Variants in PCDH9 observed in about 807,000 individuals in gnomAD.
The protein encoded by PCDH9 is protocadherin 9.
Under a neutral mutation model 70.6 loss-of-function variants are expected in PCDH9, and 24 were observed. That is an observed-to-expected ratio of 0.34 (90% CI 0.25 to 0.48). The LOEUF (loss-of-function observed/expected upper bound fraction) is 0.48. Among genes scored for constraint, PCDH9 ranks in the 20% least tolerant of loss-of-function variants. PCDH9 has a pLI of 0.99. For missense variants in PCDH9, 1,281 were observed against 1,503.6 expected (o/e 0.85, Z 2.45); for synonymous variants, 562 against 558.5 (o/e 1.01, Z -0.09).
At chr13:67,110,046 G>A (rs949666800) in intron 2 of PCDH9, among the ~76,000 whole-genome samples, 15 of 152,016 alleles carry the variant, frequency 9.9e-5, no homozygotes, top group South Asian at 2.1e-4. Context: ...TAATTTGGTC[G>A]CGGAGGCTTT....
At chr13:66,947,587 G>A (rs1201837686) in intron 2 of PCDH9, among the ~76,000 whole-genome samples, 2 of 152,078 alleles carry the variant, frequency 1.3e-5, no homozygotes, top group South Asian at 4.1e-4. Context: ...TGGGGGTGTG[G>A]GTAGAAAAGT....
At chr13:66,890,725 A>T (rs2139565579) in intron 3 of PCDH9, among the ~76,000 whole-genome samples, 1 of 152,002 alleles carries the variant, frequency 6.6e-6, no homozygotes, top group East Asian at 1.9e-4. Flanking sequence ...CTATCACCTA[A>T]TAGCCTCCAA....
intron 4 of PCDH9, among the ~76,000 whole-genome samples, chr13:66,520,191 G>A (rs1210034886): frequency 1.3e-5 from 2 of 151,998 alleles, no homozygotes; most frequent in African/African-American, 2.4e-5. Context: ...TGTTTTGAAC[G>A]TCTTAAACTG....
intron 3 of PCDH9, among the ~76,000 whole-genome samples, chr13:66,778,294 T>TAAA (rs2079933897): frequency 6.6e-6 from 1 of 151,854 alleles, no homozygotes; most frequent in Non-Finnish European, 1.5e-5. Flanking sequence ...ATAATAATAA[T>TAAA]AAAAATACTC....
At chr13:66,963,827 C>T (rs375162822) in intron 2 of PCDH9, among the ~76,000 whole-genome samples, 23 of 152,092 alleles carry the variant, frequency 1.5e-4, no homozygotes, top group African/African-American at 4.8e-4. Flanking sequence ...AGCAGAGAAA[C>T]TTGTTTGTTT....
intron 4 of PCDH9, among the ~76,000 whole-genome samples, chr13:66,555,230 AT>A: frequency 6.6e-6 from 1 of 152,234 alleles, no homozygotes; most frequent in Middle Eastern, 3.4e-3. Context: ...TAAGCTATAT[AT>A]TTGCATTGGA....
intron 2 of PCDH9, among the ~76,000 whole-genome samples, chr13:66,955,026 G>A (rs937449036): frequency 9.2e-5 from 14 of 152,158 alleles, no homozygotes; most frequent in Non-Finnish European, 8.8e-5. Flanking sequence ...GCCTCCCAAA[G>A]TGCTGGGATT....
At chr13:66,962,631 A>G (rs1176747107) in intron 2 of PCDH9, among the ~76,000 whole-genome samples, 1 of 152,206 alleles carries the variant, frequency 6.6e-6, no homozygotes, top group Non-Finnish European at 1.5e-5. Flanking sequence ...ATCTAAACAT[A>G]TCTAAATATA....
chr13:66,364,775 A>T (rs1956526496), intron 4 of PCDH9, among the ~76,000 whole-genome samples: 1 of 152,190 alleles, frequency 6.6e-6, no homozygotes, highest in African/African-American at 2.4e-5. Flanking sequence ...TACATCCTTC[A>T]TAGGTGTGAG....
intron 4 of PCDH9, among the ~76,000 whole-genome samples, chr13:66,320,867 C>T (rs1955741412): frequency 6.6e-6 from 1 of 151,994 alleles, no homozygotes; most frequent in African/African-American, 2.4e-5. Context: ...TGTTATTTGA[C>T]TAAACAGATG....
intron 2 of PCDH9, among the ~76,000 whole-genome samples, chr13:67,024,167 T>A (rs1296971350): frequency 6.6e-6 from 1 of 152,218 alleles, no homozygotes; most frequent in Non-Finnish European, 1.5e-5. Context: ...AATTACTGGA[T>A]AATTTAAAGA....
chr13:66,360,153 TAA>T (rs1469928605), intron 4 of PCDH9, among the ~76,000 whole-genome samples: 1 of 152,094 alleles, frequency 6.6e-6, no homozygotes, highest in African/African-American at 2.4e-5. Flanking sequence ...GCACAAAAAC[TAA>T]GAGTCCTTTT....
chr13:66,758,055 G>A (rs1234572340), intron 3 of PCDH9, among the ~76,000 whole-genome samples: 5 of 151,740 alleles, frequency 3.3e-5, no homozygotes, highest in Non-Finnish European at 5.9e-5. Context: ...TAAGTAATAC[G>A]CAAAATGTTG....
intron 2 of PCDH9, among the ~76,000 whole-genome samples, chr13:67,084,966 C>CAAA (rs1158690945): frequency 4.8e-5 from 2 of 41,466 alleles, no homozygotes; most frequent in African/African-American, 2.0e-4. Context: ...GATGCTGTCT[C>CAAA]AAAAAAAAAA....
intron 2 of PCDH9, among the ~76,000 whole-genome samples, chr13:67,089,417 A>G (rs1566417393): frequency 6.6e-6 from 1 of 151,956 alleles, no homozygotes; most frequent in Non-Finnish European, 1.5e-5. Context: ...ACTCCAGCGA[A>G]TGGATCCAAA....
chr13:66,922,622 C>T (rs2139646068), intron 2 of PCDH9, among the ~76,000 whole-genome samples: 1 of 151,588 alleles, frequency 6.6e-6, no homozygotes, highest in South Asian at 2.1e-4. Flanking sequence ...ATAAACATTG[C>T]TACTGCTTCA....
intron 3 of PCDH9, among the ~76,000 whole-genome samples, chr13:66,738,286 C>A (rs1007310268): frequency 1.3e-5 from 2 of 151,408 alleles, no homozygotes; most frequent in African/African-American, 4.8e-5. Flanking sequence ...AGGGTGCTGT[C>A]TGTTAGAAGG....
chr13:66,423,672 A>G (rs900041396), intron 4 of PCDH9, among the ~76,000 whole-genome samples: 1 of 152,084 alleles, frequency 6.6e-6, no homozygotes, highest in Non-Finnish European at 1.5e-5. Context: ...TTGAGGGAAC[A>G]TATCTCAAAA....
At chr13:67,008,148 A>G (rs1347150956) in intron 2 of PCDH9, among the ~76,000 whole-genome samples, 2 of 152,158 alleles carry the variant, frequency 1.3e-5, no homozygotes, top group Non-Finnish European at 2.9e-5. Context: ...AATAATATGG[A>G]ACAAAATAAT....
Sources: allele counts gnomAD v4.1 joint callset (sites outside exome capture counted in the v4.1 genomes callset), GRCh38; gene constraint gnomAD v4.1.1; transcripts MANE v1.5; gene names NCBI Gene and HGNC (gene_info 2026-07-23, HGNC 2026-07-21).